LRRC1: variants seen among roughly 807,000 people sequenced by gnomAD.
LRRC1 encodes the protein leucine-rich repeat-containing protein 1.
Under a neutral mutation model 69.9 loss-of-function variants are expected in LRRC1, and 28 were observed. That is an observed-to-expected ratio of 0.40 (90% CI 0.30 to 0.55). LRRC1 has a LOEUF of 0.55. Among genes scored for constraint, LRRC1 ranks in the 20% least tolerant of loss-of-function variants. The pLI is 0.47. For synonymous variants in LRRC1, 236 were observed against 240.2 expected, an observed-to-expected ratio of 0.98 and a Z score of 0.16; for missense variants, 498 against 609.0, an observed-to-expected ratio of 0.82 and a Z score of 1.92.
intron 4 of LRRC1, among the ~76,000 whole-genome samples, chr6:53,887,620 G>A (rs541941747): frequency 1.3e-5 from 2 of 152,200 alleles, no homozygotes; most frequent in South Asian, 2.1e-4. Context: ...CTGGTGGGTG[G>A]TAGAGCTGGC....
chr6:53,852,338 C>T (rs1023064322), intron 2 of LRRC1, among the ~76,000 whole-genome samples: 5 of 152,210 alleles, frequency 3.3e-5, no homozygotes, highest in East Asian at 1.9e-4. Flanking sequence ...AACTAAGCTG[C>T]GAGAGGACTG....
chr6:53,858,264 AT>A (rs145334901), intron 2 of LRRC1, among the ~76,000 whole-genome samples: 9,252 of 146,786 alleles, frequency 0.063, 323 homozygotes, highest in Non-Finnish European at 0.083. Flanking sequence ...TCACTTTGGG[AT>A]TTTTTTTTTT....
At chr6:53,842,345 C>T (rs571281749) in intron 2 of LRRC1, 118 bp downstream of exon 2, 94 of 658,788 alleles carry the variant, frequency 1.4e-4, no homozygotes, top group South Asian at 1.8e-4. Context: ...TGTGATAGTT[C>T]GCTGAGAATG....
chr6:53,882,520 A>AT (rs1481218358), intron 3 of LRRC1, among the ~76,000 whole-genome samples: 11 of 152,144 alleles, frequency 7.2e-5, no homozygotes, highest in Admixed American at 6.5e-4. Context: ...TCAATAAAGT[A>AT]TTTTTACTCT....
intron 13 of LRRC1, 127 bp downstream of exon 13, chr6:53,920,888 T>C (rs1237595563): frequency 3.7e-6 from 4 of 1,075,054 alleles, no homozygotes; most frequent in Non-Finnish European, 5.3e-6. Context: ...TTTAGGAATT[T>C]TTTTAGAAGA....
In LRRC1 at chr6:53,795,183, G is replaced by A; in HGVS notation, c.-74G>A. 7.2e-7 allele frequency: 1 copy of A among 1,386,832 alleles called. No individual in the cohort carries two copies. The highest frequency in any genetic ancestry group is 1.4e-5 in the South Asian group (1 of 71,928). 85.9% of individuals were successfully genotyped at this position (1,386,832 alleles called of 1,614,324 possible). On this transcript the variant is annotated 5_prime_UTR_variant, in exon 1 of 14. Coordinates refer to ENST00000370888, the MANE Select transcript of LRRC1 (RefSeq NM_018214.5). ...CGGAGAGGGCAGCGGACTGAGCGGA[G>A]CCGCCGGCCAGAGCGGGCTCGGAGC...
At chr6:53,919,403 C>T (rs935588056) in intron 11 of LRRC1, 95 bp from the exon 12 acceptor site, 35 of 1,047,750 alleles carry the variant, frequency 3.3e-5, no homozygotes, top group Non-Finnish European at 4.2e-5. Context: ...CAGGAAGCTC[C>T]TTTTAATTTT....
intron 1 of LRRC1, among the ~76,000 whole-genome samples, chr6:53,832,281 T>C (rs1281205429): frequency 6.6e-6 from 1 of 152,250 alleles, no homozygotes; most frequent in Non-Finnish European, 1.5e-5. Context: ...ATTTTAATTA[T>C]TGATCCACCT....
intron 2 of LRRC1, among the ~76,000 whole-genome samples, chr6:53,849,719 A>G (rs1256737807): frequency 6.6e-6 from 1 of 152,200 alleles, no homozygotes; most frequent in East Asian, 1.9e-4. Flanking sequence ...AAATATAGAA[A>G]TGGTATGATT....
intron 1 of LRRC1, among the ~76,000 whole-genome samples, chr6:53,821,464 A>G (rs2127408963): frequency 6.6e-6 from 1 of 152,296 alleles, no homozygotes; most frequent in South Asian, 2.1e-4. Flanking sequence ...GAAAAGTATC[A>G]TGGGCCATCA....
At chr6:53,810,695 G>C (rs1388845283) in intron 1 of LRRC1, among the ~76,000 whole-genome samples, 2 of 152,112 alleles carry the variant, frequency 1.3e-5, no homozygotes, top group Admixed American at 1.3e-4. Flanking sequence ...AATTTTGAGA[G>C]AACAAAAACA....
chr6:53,833,067 T>C (rs947696023), intron 1 of LRRC1, among the ~76,000 whole-genome samples: 1 of 152,166 alleles, frequency 6.6e-6, no homozygotes, highest in Non-Finnish European at 1.5e-5. Context: ...CTCCTCATAG[T>C]TGATCTTTCC....
At chr6:53,800,166 C>T (rs2127401553) in intron 1 of LRRC1, among the ~76,000 whole-genome samples, 1 of 151,854 alleles carries the variant, frequency 6.6e-6, no homozygotes, top group East Asian at 1.9e-4. Context: ...AAAGTGTCAG[C>T]ACAGAGTTAG....
At position 53,859,768 on chromosome 6, in the gene LRRC1, T is replaced by A. The variant is rs544645341; in HGVS notation, c.277+17541T>A. On this transcript the variant is annotated intron_variant, in intron 2 of 13. Transcript: ENST00000370888. Reference sequence around the variant, plus strand: ...ACTTGTTTCTATTGACTTTTTATAATGACTATATATTGCTTTATAATTAAA... The same window carrying A: ...ACTTGTTTCTATTGACTTTTTATAAAGACTATATATTGCTTTATAATTAAA... 4.3e-3 allele frequency among the ~76,000 whole-genome samples: 658 copies of A among 152,254 alleles called. 4 individuals are homozygous for A. Among genetic ancestry groups the A allele is most frequent in the Non-Finnish European group, 7.4e-3 (501 of 68,026 alleles).
intron 1 of LRRC1, among the ~76,000 whole-genome samples, chr6:53,839,222 A>C (rs968439227): frequency 6.6e-6 from 1 of 152,120 alleles, no homozygotes; most frequent in African/African-American, 2.4e-5. Context: ...AGGTGTCCAG[A>C]AGTATTTCAG....
At chr6:53,853,170 C>T (rs1041397765) in intron 2 of LRRC1, among the ~76,000 whole-genome samples, 4 of 152,058 alleles carry the variant, frequency 2.6e-5, no homozygotes, top group African/African-American at 2.4e-5. Context: ...TCCTGACTTA[C>T]TTCCCAAAGG....
At chr6:53,820,966 T>C (rs985160883) in intron 1 of LRRC1, among the ~76,000 whole-genome samples, 5 of 152,226 alleles carry the variant, frequency 3.3e-5, no homozygotes, top group African/African-American at 9.6e-5. Context: ...TGGGAGGATC[T>C]CAAGAACTTG....
chr6:53,843,706 A>C (rs1765855631), intron 2 of LRRC1, among the ~76,000 whole-genome samples: 1 of 152,108 alleles, frequency 6.6e-6, no homozygotes, highest in Non-Finnish European at 1.5e-5. Flanking sequence ...CAGTGGCACC[A>C]AGCTTGCATT....
At chr6:53,892,535 C>A (rs1304239604) in intron 4 of LRRC1, among the ~76,000 whole-genome samples, 1 of 152,146 alleles carries the variant, frequency 6.6e-6, no homozygotes, top group Non-Finnish European at 1.5e-5. Context: ...CGAAGCTGCT[C>A]AGGAGCATGT....
Sources: allele counts gnomAD v4.1 joint callset (sites outside exome capture counted in the v4.1 genomes callset), GRCh38; gene constraint gnomAD v4.1.1; transcripts MANE v1.5; gene names NCBI Gene and HGNC (gene_info 2026-07-23, HGNC 2026-07-21).